Variants in IGSF5 observed in about 807,000 individuals in gnomAD.
The protein encoded by IGSF5 is immunoglobulin superfamily 5 like.
In IGSF5, 41 loss-of-function variants were observed where a neutral mutation model predicts 39.4. The observed-to-expected ratio is 1.04, with a 90% confidence interval of 0.81 to 1.35. The LOEUF is 1.35. IGSF5 is among the 40% of genes most tolerant of loss of function. The pLI, the probability that IGSF5 is intolerant of heterozygous loss-of-function variation, is 0.00. For missense variants in IGSF5, 487 were observed against 494.6 expected, an observed-to-expected ratio of 0.98 and a Z score of 0.15; for synonymous variants, 183 against 175.3, an observed-to-expected ratio of 1.04 and a Z score of -0.34.
At chr21:39,738,339 TG>T in the IGSF5 span, among the ~76,000 whole-genome samples, 2 of 152,160 alleles carry the variant, frequency 1.3e-5, no homozygotes, top group Admixed American at 6.5e-5. The surrounding 1 kb of genome is among the most constrained non-coding windows in gnomAD (Gnocchi z 6.4). Flanking sequence ...GAGAACAGTA[TG>T]GGGGAAACCG....
rs1385783381 is a variant in IGSF5, at chr21:39,745,219, G to T, written c.-291G>T. ...TCTCTCTCTTAGCCATTACAAACTT[G>T]GGGCCCTGGCAAGGGTGGTGGGGAA... On this transcript the variant is annotated 5_prime_UTR_variant, in exon 1 of 9. Transcript: ENST00000380588. 6.6e-6 allele frequency among the ~76,000 whole-genome samples: 1 copy of T among 151,578 alleles called. No individual in the cohort carries two copies. Among genetic ancestry groups the T allele is most frequent in the Non-Finnish European group, 1.5e-5 (1 of 67,924 alleles).
intron 8 of IGSF5, among the ~76,000 whole-genome samples, chr21:39,798,074 C>T (rs1207523213): frequency 6.6e-6 from 1 of 152,154 alleles, no homozygotes; most frequent in African/African-American, 2.4e-5. Context: ...ACTGATGAGG[C>T]CCTTGGGAAG....
chr21:39,794,755 T>G (rs1857399610), intron 8 of IGSF5, among the ~76,000 whole-genome samples: 1 of 152,114 alleles, frequency 6.6e-6, no homozygotes, highest in Non-Finnish European at 1.5e-5. Flanking sequence ...CCAGATGGGT[T>G]GGGTTTGTTC....
In IGSF5 at chr21:39,766,015, G is replaced by A. The variant is rs533597392; in HGVS notation, c.418+163G>A. ...ATGAATGTTTTGCGATTTATTTGTC[G>A]CCTCCTTCCTCCCTCATGCTCTCCC... On this transcript the variant is annotated intron_variant, in intron 3 of 8. Coordinates refer to ENST00000380588, the MANE Select transcript of IGSF5 (RefSeq NM_001080444.2). Among the ~76,000 whole-genome samples, 10 of 152,074 alleles carry A rather than the reference G, an allele frequency of 6.6e-5. 1 individual carries two copies. The highest frequency in any genetic ancestry group is 6.6e-4 in the Admixed American group (10 of 15,260).
chr21:39,772,384 G>T (rs986534275), intron 4 of IGSF5, among the ~76,000 whole-genome samples: 14 of 152,186 alleles, frequency 9.2e-5, no homozygotes, highest in African/African-American at 3.4e-4. Context: ...CACTTGGAGG[G>T]TATAAGAGGT....
intron 5 of IGSF5, among the ~76,000 whole-genome samples, chr21:39,784,810 C>G (rs1340655223): frequency 6.6e-6 from 1 of 152,110 alleles, no homozygotes; most frequent in Non-Finnish European, 1.5e-5. Flanking sequence ...CATTAAACAT[C>G]AAAAATTTTC....
upstream of IGSF5, among the ~76,000 whole-genome samples, chr21:39,745,040 A>C (rs2079966036): frequency 6.7e-6 from 1 of 148,708 alleles, no homozygotes; most frequent in Non-Finnish European, 1.5e-5. Flanking sequence ...CCTGGCTTTT[A>C]AAGGAATAGG....
At chr21:39,738,200 G>A in the IGSF5 span, among the ~76,000 whole-genome samples, 99 of 152,270 alleles carry the variant, frequency 6.5e-4, no homozygotes, top group East Asian at 5.0e-3. The surrounding 1 kb of genome is among the most constrained non-coding windows in gnomAD (Gnocchi z 6.4). Flanking sequence ...CAGGGGGCTG[G>A]GGAGGCCTCA....
upstream of IGSF5, among the ~76,000 whole-genome samples, chr21:39,740,201 G>A (rs2079942405): frequency 6.6e-6 from 1 of 152,164 alleles, no homozygotes; most frequent in South Asian, 2.1e-4. Context: ...CCATACTAGG[G>A]GTCCTTCTAT....
At chr21:39,748,248 T>C in intron 2 of IGSF5, among the ~76,000 whole-genome samples, 1 of 150,248 alleles carries the variant, frequency 6.7e-6, no homozygotes, top group Non-Finnish European at 1.5e-5. Context: ...TCCTTTTTGC[T>C]GTGTCTTCAC....
intron 3 of IGSF5, among the ~76,000 whole-genome samples, chr21:39,770,090 T>A (rs2080106586): frequency 6.6e-6 from 1 of 152,200 alleles, no homozygotes. Flanking sequence ...ATTCTTTCCA[T>A]TATGTTGTGT....
At position 39,801,756 on chromosome 21, in the gene IGSF5, A is replaced by G. The variant is rs2087030923; in HGVS notation, c.*399A>G. ...TGATATTTATGTATATTTAATATGT[A>G]GGGGTATTATTACATATTATCAGTG... On this transcript the variant is annotated 3_prime_UTR_variant, in exon 9 of 9. Coordinates refer to ENST00000380588, the MANE Select transcript of IGSF5 (RefSeq NM_001080444.2). 1 of 158,418 alleles carries G rather than the reference A, an allele frequency of 6.3e-6. No homozygotes were observed. Among genetic ancestry groups the G allele is most frequent in the Admixed American group, 6.1e-5 (1 of 16,270 alleles). 9.8% of individuals were successfully genotyped at this position (158,418 alleles called of 1,614,324 possible). A position where few individuals can be genotyped will look rare whatever the true frequency, so the allele number is the denominator to read the frequency against.
At chr21:39,781,325 C>T (rs1276748814) in intron 5 of IGSF5, among the ~76,000 whole-genome samples, 1 of 152,166 alleles carries the variant, frequency 6.6e-6, no homozygotes, top group Non-Finnish European at 1.5e-5. Context: ...TTTCTTATTA[C>T]AGCTATATGG....
chr21:39,735,796 C>T, the IGSF5 span, among the ~76,000 whole-genome samples: 1 of 152,162 alleles, frequency 6.6e-6, no homozygotes, highest in Admixed American at 6.5e-5. Flanking sequence ...GATGACTTCT[C>T]CCCCAAAGTT....
intron 2 of IGSF5, among the ~76,000 whole-genome samples, chr21:39,752,347 CTT>C (rs34376805): frequency 0.11 from 16,416 of 151,958 alleles, 2,889 homozygotes; most frequent in African/African-American, 0.37. Flanking sequence ...TATTTTATTC[CTT>C]TTTTTTTATG....
At chr21:39,748,173 C>A (rs540274392) in intron 2 of IGSF5, among the ~76,000 whole-genome samples, 3 of 152,038 alleles carry the variant, frequency 2.0e-5, no homozygotes, top group Non-Finnish European at 4.4e-5. Context: ...GCTAGAAGTC[C>A]AAGGTTAAGG....
the IGSF5 span, among the ~76,000 whole-genome samples, chr21:39,734,354 C>T: frequency 7.0e-5 from 10 of 143,578 alleles, no homozygotes; most frequent in Admixed American, 1.4e-4. Flanking sequence ...ACCCGGGAGG[C>T]GGAGGTTGTA....
the IGSF5 span, among the ~76,000 whole-genome samples, chr21:39,720,772 C>T: frequency 3.9e-5 from 6 of 152,198 alleles, no homozygotes; most frequent in Non-Finnish European, 8.8e-5. Context: ...TCAATTGTGA[C>T]ATGTTTACCA....
At chr21:39,737,127 AT>A in the IGSF5 span, among the ~76,000 whole-genome samples, 4 of 149,408 alleles carry the variant, frequency 2.7e-5, no homozygotes, top group African/African-American at 9.9e-5. Flanking sequence ...TTTGTTCACC[AT>A]TTTTCTTACC....
Sources: gnomAD v4.1 joint callset for allele counts (sites outside exome capture counted in the v4.1 genomes callset) on GRCh38, gnomAD v4.1.1 for gene constraint, Gnocchi (gnomAD v3.1) non-coding constraint, MANE v1.5 for transcripts, NCBI Gene and HGNC (gene_info 2026-07-23, HGNC 2026-07-21) for gene names.